Variants in SAMMSON observed in about 807,000 individuals in gnomAD.
SAMMSON encodes the protein survival associated mitochondrial melanoma specific oncogenic non-coding RNA, also known as long intergenic non-protein coding RNA 1212.
At position 70,424,963 on chromosome 3, in the gene SAMMSON, G is replaced by C. The variant is rs891273841; in HGVS notation, n.234-37597G>C. On this transcript the variant is annotated intron_variant and non_coding_transcript_variant, in intron 2 of 3. Coordinates refer to the SAMMSON transcript ENST00000641053. The stretch of plus-strand genomic sequence containing the variant: ...GGATGAAGAAGAAAGAGGAGGAGGA[G>C]GAGAAAAAGAAGGAGGGAGAGGAAG... 2.0e-5 allele frequency: 3 copies of C among 151,968 alleles called. No individual in the cohort carries two copies. The East Asian group carries it at 5.8e-4, about 29-fold the overall frequency. 9.4% of individuals were successfully genotyped at this position (151,968 alleles called of 1,614,324 possible). A position where few individuals can be genotyped will look rare whatever the true frequency, so the allele number is the denominator to read the frequency against.
chr3:70,042,954 C>T (rs974461742), intron 3 of SAMMSON, among the ~76,000 whole-genome samples: 30 of 152,028 alleles, frequency 2.0e-4, no homozygotes, highest in African/African-American at 7.0e-4. Context: ...ATAAACTGTA[C>T]TCAATAGAAT....
intron 2 of SAMMSON, among the ~76,000 whole-genome samples, chr3:70,418,964 CCT>C (rs1422583801): frequency 5.7e-5 from 4 of 70,480 alleles, no homozygotes; most frequent in Non-Finnish European, 1.4e-4. Flanking sequence ...CCTTTCCTTT[CCT>C]TTCCTTCCTT....
chr3:70,261,959 C>CA (rs1353098118), intron 6 of SAMMSON, among the ~76,000 whole-genome samples: 1 of 152,156 alleles, frequency 6.6e-6, no homozygotes, highest in Non-Finnish European at 1.5e-5. Flanking sequence ...TCTGCCCTGC[C>CA]AGCACTTCTG....
intron 4 of SAMMSON, among the ~76,000 whole-genome samples, chr3:70,101,789 A>G (rs956896431): frequency 1.3e-5 from 2 of 152,200 alleles, no homozygotes; most frequent in African/African-American, 4.8e-5. Context: ...CAAAAAGGTT[A>G]AGTGGCTTAA....
intron 4 of SAMMSON, among the ~76,000 whole-genome samples, chr3:70,219,759 C>G (rs1030726716): frequency 6.6e-6 from 1 of 152,094 alleles, no homozygotes; most frequent in Non-Finnish European, 1.5e-5. Context: ...AAGAGCAATT[C>G]TGAAACTCTC....
At chr3:70,102,837 T>TTGCTC (rs1165837817) in intron 4 of SAMMSON, among the ~76,000 whole-genome samples, 4 of 152,204 alleles carry the variant, frequency 2.6e-5, no homozygotes, top group African/African-American at 9.6e-5. Flanking sequence ...TCGGCTTTGA[T>TTGCTC]TGCTCTGCTC....
At chr3:70,381,654 A>G (rs1236999251) in intron 9 of SAMMSON, among the ~76,000 whole-genome samples, 1 of 152,134 alleles carries the variant, frequency 6.6e-6, no homozygotes, top group Admixed American at 6.6e-5. Context: ...AGCTGGGTGT[A>G]ATGAACAGAT....
At chr3:70,101,120 T>C (rs528757128) in intron 4 of SAMMSON, among the ~76,000 whole-genome samples, 17 of 152,308 alleles carry the variant, frequency 1.1e-4, no homozygotes, top group Non-Finnish European at 2.1e-4. Flanking sequence ...GGTGCAGTAA[T>C]GTGTAGATGA....
intron 1 of SAMMSON, among the ~76,000 whole-genome samples, chr3:70,004,903 A>G (rs552351611): frequency 7.7e-4 from 117 of 152,318 alleles, no homozygotes; most frequent in Non-Finnish European, 8.7e-4. Context: ...TCCTAGGCCA[A>G]ATGACCCACT....
chr3:70,026,998 C>T (rs866717138), intron 3 of SAMMSON, among the ~76,000 whole-genome samples: 1 of 152,080 alleles, frequency 6.6e-6, no homozygotes. Context: ...GGGCTGATTC[C>T]CAGACTCTAC....
At chr3:70,218,532 C>A (rs1177474680) in intron 4 of SAMMSON, among the ~76,000 whole-genome samples, 1 of 152,056 alleles carries the variant, frequency 6.6e-6, no homozygotes, top group Non-Finnish European at 1.5e-5. Flanking sequence ...GGTGTGGTTG[C>A]TGGAACGTTT....
chr3:70,188,833 T>G (rs1701110209), intron 4 of SAMMSON, among the ~76,000 whole-genome samples: 1 of 152,214 alleles, frequency 6.6e-6, no homozygotes, highest in African/African-American at 2.4e-5. Context: ...TGCATTTGAC[T>G]GGTAAATGGT....
At chr3:70,286,769 C>T (rs971234218) in intron 6 of SAMMSON, among the ~76,000 whole-genome samples, 13 of 152,050 alleles carry the variant, frequency 8.5e-5, no homozygotes, top group Non-Finnish European at 1.8e-4. Context: ...TGAAGAGGTC[C>T]TTCACATCCC....
chr3:70,197,394 G>A (rs973038335), intron 4 of SAMMSON, among the ~76,000 whole-genome samples: 2 of 152,112 alleles, frequency 1.3e-5, no homozygotes, highest in Non-Finnish European at 2.9e-5. Flanking sequence ...AACTTCCTGA[G>A]CATTTCCTAT....
At chr3:70,432,321 C>T (rs1245627839) in intron 2 of SAMMSON, among the ~76,000 whole-genome samples, 1 of 151,288 alleles carries the variant, frequency 6.6e-6, no homozygotes, top group African/African-American at 2.4e-5. Flanking sequence ...GTCCTTTCCT[C>T]CATGTTTATT....
At chr3:70,215,942 GT>G (rs1701405445) in intron 4 of SAMMSON, among the ~76,000 whole-genome samples, 1 of 151,948 alleles carries the variant, frequency 6.6e-6, no homozygotes, top group Non-Finnish European at 1.5e-5. Flanking sequence ...ATAAATTTCT[GT>G]CTTTTGTGGT....
At chr3:70,159,582 A>G (rs1275919837) in intron 4 of SAMMSON, 1 of 150,912 alleles carries the variant, frequency 6.6e-6, no homozygotes, top group East Asian at 1.9e-4. Flanking sequence ...TTTTTTTTTC[A>G]GATGGAGTCT....
At chr3:70,089,719 A>G (rs953741003) in intron 4 of SAMMSON, among the ~76,000 whole-genome samples, 7 of 152,256 alleles carry the variant, frequency 4.6e-5, no homozygotes, top group South Asian at 4.1e-4. Context: ...GGTAGGGGCC[A>G]TTTTTGGATG....
intron 2 of SAMMSON, among the ~76,000 whole-genome samples, chr3:70,419,016 TCC>T (rs1701289974): frequency 7.0e-6 from 1 of 142,098 alleles, no homozygotes; most frequent in African/African-American, 2.8e-5. Flanking sequence ...TTTCTTTCTT[TCC>T]TTCTTTCTTT....
Sources: allele counts gnomAD v4.1 joint callset (sites outside exome capture counted in the v4.1 genomes callset), GRCh38; gene constraint gnomAD v4.1.1; transcripts MANE v1.5; gene names NCBI Gene and HGNC (gene_info 2026-07-23, HGNC 2026-07-21).